The following SORCS3 variants were observed in gnomAD, a reference collection of about 807,000 sequenced individuals.
SORCS3 encodes the protein sortilin related VPS10 domain containing receptor 3.
Under a neutral mutation model 146.3 loss-of-function variants are expected in SORCS3, and 57 were observed. That is an observed-to-expected ratio of 0.39 (90% CI 0.31 to 0.49). The LOEUF is 0.49. Among genes scored for constraint, SORCS3 ranks in the 20% least tolerant of loss-of-function variants. The pLI is 0.92. For missense variants in SORCS3, 1,341 were observed against 1,575.5 expected (o/e 0.85, Z 2.52); for synonymous variants, 653 against 618.5 (o/e 1.06, Z -0.83).
At chr10:104,827,684 G>T (rs2017953641) in intron 1 of SORCS3, among the ~76,000 whole-genome samples, 1 of 152,142 alleles carries the variant, frequency 6.6e-6, no homozygotes, top group Non-Finnish European at 1.5e-5. Flanking sequence ...AAGCTTTGAA[G>T]CCAGGCATTG....
At chr10:105,044,726 T>C (rs947010316) in intron 5 of SORCS3, among the ~76,000 whole-genome samples, 1 of 151,952 alleles carries the variant, frequency 6.6e-6, no homozygotes, top group South Asian at 2.1e-4. Flanking sequence ...GTTTTGTTCT[T>C]TGTACATGGT....
intron 6 of SORCS3, among the ~76,000 whole-genome samples, chr10:105,091,280 CT>C (rs780271074): frequency 7.5e-5 from 7 of 93,882 alleles, no homozygotes; most frequent in Admixed American, 2.2e-4. Flanking sequence ...TCCTTCCTTC[CT>C]TGCTTCCTTC....
intron 3 of SORCS3, among the ~76,000 whole-genome samples, chr10:104,930,103 A>G (rs1361518828): frequency 2.6e-5 from 4 of 152,224 alleles, no homozygotes; most frequent in Non-Finnish European, 5.9e-5. Flanking sequence ...AACGATCAGA[A>G]TGGGACATTT....
chr10:104,762,909 C>T (rs12264935), intron 1 of SORCS3, among the ~76,000 whole-genome samples: 42,698 of 152,010 alleles, frequency 0.28, 6,304 homozygotes, highest in East Asian at 0.6. Flanking sequence ...ACAAATACAC[C>T]TGGGAGTCTG....
intron 7 of SORCS3, among the ~76,000 whole-genome samples, chr10:105,128,259 A>G (rs887490190): frequency 5.9e-5 from 9 of 152,132 alleles, no homozygotes; most frequent in Admixed American, 5.2e-4. Flanking sequence ...AGCAGTTGGC[A>G]TTTCACAAAT....
chr10:105,242,088 C>T (rs1325532682), intron 20 of SORCS3, among the ~76,000 whole-genome samples: 1 of 151,782 alleles, frequency 6.6e-6, no homozygotes. Context: ...ATTTGGCTGC[C>T]TCCTGTCACT....
intron 4 of SORCS3, among the ~76,000 whole-genome samples, chr10:104,986,273 T>G (rs1434088415): frequency 6.6e-6 from 1 of 152,244 alleles, no homozygotes; most frequent in African/African-American, 2.4e-5. Context: ...AACCAGCTTC[T>G]GCTACTTCAA....
At chr10:105,044,120 G>A (rs2055354377) in intron 5 of SORCS3, among the ~76,000 whole-genome samples, 1 of 152,126 alleles carries the variant, frequency 6.6e-6, no homozygotes, top group Non-Finnish European at 1.5e-5. Context: ...TGTAATCTCA[G>A]TACTTTGAGA....
intron 1 of SORCS3, among the ~76,000 whole-genome samples, chr10:104,649,029 C>G (rs1453116929): frequency 6.6e-6 from 1 of 152,064 alleles, no homozygotes; most frequent in Admixed American, 6.6e-5. Flanking sequence ...AGGGGAAAAA[C>G]TGGAAATAAA....
intron 1 of SORCS3, among the ~76,000 whole-genome samples, chr10:104,670,580 G>C (rs971923701): frequency 2.6e-5 from 4 of 152,098 alleles, no homozygotes; most frequent in Admixed American, 2.6e-4. Context: ...TTTGATTACT[G>C]TAGCTTTGTA....
intron 3 of SORCS3, among the ~76,000 whole-genome samples, chr10:104,937,564 G>A (rs541080547): frequency 1.8e-4 from 27 of 152,080 alleles, no homozygotes; most frequent in Non-Finnish European, 3.4e-4. Context: ...CGCTTACCAC[G>A]AGGCAAAACA....
intron 16 of SORCS3, 55 bp from the exon 17 acceptor site, chr10:105,211,082 G>C: frequency 7.9e-7 from 1 of 1,266,078 alleles, no homozygotes; most frequent in East Asian, 2.3e-5. Context: ...TGTGCCTGCG[G>C]TTATTTTAGC....
At chr10:104,854,875 C>CT (rs764338331) in intron 2 of SORCS3, among the ~76,000 whole-genome samples, 28 of 152,246 alleles carry the variant, frequency 1.8e-4, no homozygotes, top group South Asian at 6.2e-4. Flanking sequence ...GATTCATGCA[C>CT]TTTTTTGTGT....
At chr10:105,116,511 C>G (rs542060652) in intron 7 of SORCS3, among the ~76,000 whole-genome samples, 1 of 152,224 alleles carries the variant, frequency 6.6e-6, no homozygotes, top group South Asian at 2.1e-4. Flanking sequence ...GATTACCATT[C>G]GACCCAGCAA....
chr10:105,133,611 C>T (rs2056036939), intron 7 of SORCS3, among the ~76,000 whole-genome samples: 1 of 152,124 alleles, frequency 6.6e-6, no homozygotes, highest in South Asian at 2.1e-4. Flanking sequence ...AGTTTTATTA[C>T]CTTACTTCTG....
At chr10:105,011,706 G>T (rs539714189) in intron 4 of SORCS3, among the ~76,000 whole-genome samples, 1 of 152,234 alleles carries the variant, frequency 6.6e-6, no homozygotes, top group East Asian at 1.9e-4. Flanking sequence ...AGTCTAGATT[G>T]CATAGTGAGA....
At chr10:105,136,407 C>T (rs1197844535) in intron 7 of SORCS3, among the ~76,000 whole-genome samples, 1 of 152,188 alleles carries the variant, frequency 6.6e-6, no homozygotes, top group Non-Finnish European at 1.5e-5. Flanking sequence ...CTCAAGGCCC[C>T]ACCTCTTAAT....
intron 7 of SORCS3, among the ~76,000 whole-genome samples, chr10:105,120,335 A>T (rs1028498762): frequency 2.0e-5 from 3 of 152,118 alleles, no homozygotes; most frequent in Non-Finnish European, 4.4e-5. Flanking sequence ...AAGAAGTTTA[A>T]TTACCCAGTC....
At chr10:105,132,219 G>A (rs12779666) in intron 7 of SORCS3, among the ~76,000 whole-genome samples, 6,011 of 152,146 alleles carry the variant, frequency 0.04, 225 homozygotes, top group Non-Finnish European at 0.049. Context: ...GAAGGCTAAC[G>A]TGTACACAGG....
Sources: gnomAD v4.1 joint callset for allele counts (sites outside exome capture counted in the v4.1 genomes callset) on GRCh38, gnomAD v4.1.1 for gene constraint, MANE v1.5 for transcripts, NCBI Gene and HGNC (gene_info 2026-07-23, HGNC 2026-07-21) for gene names.